GOLIM4: variants seen among roughly 807,000 people sequenced by gnomAD.
GOLIM4 encodes golgi integral membrane protein 4.
A neutral mutation model predicts 107.4 loss-of-function variants in GOLIM4; 71 were observed. The observed-to-expected ratio is 0.66, with a 90% CI of 0.55 to 0.81. The LOEUF (loss-of-function observed/expected upper bound fraction) is 0.81, where lower values mean the gene tolerates loss of function less well. GOLIM4 is among the 30% of genes least tolerant of loss of function. GOLIM4 has a pLI of 0.00. For missense variants in GOLIM4, 830 were observed against 826.1 expected, an observed-to-expected ratio of 1.00 and a Z score of -0.06; for synonymous variants, 327 against 294.8, an observed-to-expected ratio of 1.11 and a Z score of -1.12.
intron 1 of GOLIM4, among the ~76,000 whole-genome samples, chr3:168,050,004 C>T (rs927388811): frequency 1.3e-5 from 2 of 152,158 alleles, no homozygotes; most frequent in African/African-American, 2.4e-5. Context: ...ATGGTGTGGT[C>T]CTCTGATGAC....
intron 14 of GOLIM4, among the ~76,000 whole-genome samples, chr3:168,018,947 G>A (rs902708857): frequency 6.7e-6 from 1 of 149,594 alleles, no homozygotes; most frequent in Non-Finnish European, 1.5e-5. Context: ...TAGCCATAAG[G>A]TCTCTCACAA....
chr3:168,066,669 C>G (rs1433616757), intron 1 of GOLIM4, among the ~76,000 whole-genome samples: 2 of 152,090 alleles, frequency 1.3e-5, no homozygotes, highest in East Asian at 3.8e-4. Flanking sequence ...TAGTCCTTTA[C>G]AGTTTATATA....
At chr3:168,027,956 A>T in intron 11 of GOLIM4, 119 bp from the exon 12 acceptor site, 1 of 688,956 alleles carries the variant, frequency 1.5e-6, no homozygotes, top group Non-Finnish European at 2.6e-6. Context: ...ACCTCTGTTA[A>T]CTCAACATAA....
chr3:168,078,500 AT>A (rs1376217993), intron 1 of GOLIM4, among the ~76,000 whole-genome samples: 1 of 152,164 alleles, frequency 6.6e-6, no homozygotes, highest in Non-Finnish European at 1.5e-5. Flanking sequence ...GCACATCAGA[AT>A]TTAAAAATCA....
chr3:168,011,669 GGT>G (rs1294370631), intron 14 of GOLIM4, among the ~76,000 whole-genome samples: 1 of 149,444 alleles, frequency 6.7e-6, no homozygotes, highest in Admixed American at 6.6e-5. Context: ...AGAGAGCAGT[GGT>G]TCTCCCAGCA....
chr3:168,044,442 G>C (rs1719190903), intron 4 of GOLIM4, among the ~76,000 whole-genome samples: 1 of 152,136 alleles, frequency 6.6e-6, no homozygotes, highest in South Asian at 2.1e-4. Flanking sequence ...TTAAATATTA[G>C]TAACAAGAAG....
At chr3:168,076,887 C>T (rs1721108559) in intron 1 of GOLIM4, among the ~76,000 whole-genome samples, 1 of 152,162 alleles carries the variant, frequency 6.6e-6, no homozygotes, top group Non-Finnish European at 1.5e-5. Context: ...TTGATAGCAG[C>T]ACTTGAATAA....
chr3:168,094,462 T>C (rs1023777504), intron 1 of GOLIM4, among the ~76,000 whole-genome samples: 3 of 152,168 alleles, frequency 2.0e-5, no homozygotes, highest in Non-Finnish European at 4.4e-5. Flanking sequence ...TGCAGGATGG[T>C]GAATGGTATG....
intron 1 of GOLIM4, among the ~76,000 whole-genome samples, chr3:168,054,839 G>T (rs1341498971): frequency 6.6e-6 from 1 of 152,098 alleles, no homozygotes. Context: ...GAGGGACCCA[G>T]TGGGAGATAA....
intron 14 of GOLIM4, among the ~76,000 whole-genome samples, chr3:168,015,661 CAAA>C (rs1717322654): frequency 7.3e-6 from 1 of 136,274 alleles, no homozygotes; most frequent in Non-Finnish European, 1.5e-5. Context: ...CTACAGTAAC[CAAA>C]ACAGCATGGT....
intron 7 of GOLIM4, 112 bp downstream of exon 7, chr3:168,040,674 T>C (rs1462223854): frequency 1.6e-6 from 1 of 631,002 alleles, no homozygotes; most frequent in African/African-American, 1.8e-5. Context: ...AGGATAGCTC[T>C]GTCCTAAGGA....
At chr3:168,044,912 AAG>A in intron 3 of GOLIM4, 31 bp from the exon 4 acceptor site, 1 of 1,294,126 alleles carries the variant, frequency 7.7e-7, no homozygotes, top group Non-Finnish European at 1.1e-6. Flanking sequence ...AGAAAACACA[AAG>A]ATAAATATGG....
rs79949968 is a variant in GOLIM4 at position 168,091,223 on chromosome 3, T to C, written c.187+3876A>G. Among the ~76,000 whole-genome samples, 482 of 152,362 alleles carry C rather than the reference T, an allele frequency of 3.2e-3. 2 individuals are homozygous for C. The highest frequency in any genetic ancestry group is 5.5e-3 in the Non-Finnish European group (371 of 68,032). On this transcript the variant is annotated intron_variant, in intron 1 of 15. Transcript: ENST00000470487. ...AACATATTCATCTGGAATAGGAACA[T>C]ATAAACCTTACATAAACTTTTTCTG...
In GOLIM4 at chr3:168,086,975, C is replaced by T. The variant is rs1721661451; in HGVS notation, c.187+8124G>A. Among the ~76,000 whole-genome samples the T allele has an allele frequency of 3.9e-5, 6 of 152,216 alleles. No individual in the cohort carries two copies. The South Asian group carries it at 1.2e-3, about 32-fold the overall frequency. On this transcript the variant is annotated intron_variant, in intron 1 of 15. Coordinates refer to ENST00000470487, the MANE Select transcript of GOLIM4 (RefSeq NM_014498.5). ...TGGGCTCTCAGCTTAGCTTAAGCTA[C>T]CTGGTAAGTGACTTATCCACCTTAG...
chr3:168,034,057 G>A (rs568119142), intron 8 of GOLIM4, among the ~76,000 whole-genome samples: 1 of 152,254 alleles, frequency 6.6e-6, no homozygotes, highest in African/African-American at 2.4e-5. Flanking sequence ...AATTAGCAGA[G>A]ATATAATTAT....
intron 12 of GOLIM4, 43 bp downstream of exon 12, chr3:168,027,685 T>C: frequency 8.6e-7 from 1 of 1,167,998 alleles, no homozygotes; most frequent in South Asian, 1.2e-5. Context: ...CTTTCCCACC[T>C]TATGAGTTTA....
chr3:168,065,027 A>G (rs1720478334), intron 1 of GOLIM4, among the ~76,000 whole-genome samples: 1 of 151,882 alleles, frequency 6.6e-6, no homozygotes, highest in Admixed American at 6.6e-5. Flanking sequence ...TTTAATGAGG[A>G]TTTTTCAAGT....
At chr3:168,043,560 A>G in intron 4 of GOLIM4, 31 bp from the exon 5 acceptor site, 1 of 1,564,260 alleles carries the variant, frequency 6.4e-7, no homozygotes, top group Non-Finnish European at 8.6e-7. Context: ...GTAGAAATAT[A>G]CATTCTCTGA....
intron 1 of GOLIM4, among the ~76,000 whole-genome samples, chr3:168,079,082 T>C (rs1721212088): frequency 6.6e-6 from 1 of 152,146 alleles, no homozygotes; most frequent in South Asian, 2.1e-4. Flanking sequence ...TATGTTGCAT[T>C]AGCTTAAAAT....
Sources: allele counts gnomAD v4.1 joint callset (sites outside exome capture counted in the v4.1 genomes callset), GRCh38; gene constraint gnomAD v4.1.1; transcripts MANE v1.5; gene names NCBI Gene and HGNC (gene_info 2026-07-23, HGNC 2026-07-21).